The following BTRC variants were observed in gnomAD, a reference collection of about 807,000 sequenced individuals.
The protein encoded by BTRC is beta-transducin repeat containing E3 ubiquitin protein ligase.
BTRC carries 42 observed loss-of-function variants against 85.5 expected under a neutral mutation model. That is an observed-to-expected ratio of 0.49 (90% CI 0.38 to 0.64). The LOEUF is 0.64. Ranked by LOEUF, BTRC falls within the 30% of genes least tolerant of loss-of-function variation. The probability of loss-of-function intolerance (pLI) is 0.00; values close to 1 mark genes in which losing one functional copy is unlikely to be tolerated. For missense variants in BTRC, 594 were observed against 743.5 expected, an observed-to-expected ratio of 0.80 and a Z score of 2.34; for synonymous variants, 255 against 263.3, an observed-to-expected ratio of 0.97 and a Z score of 0.30.
At chr10:101,551,917 G>A (rs1238056883) in intron 14 of BTRC, among the ~76,000 whole-genome samples, 1 of 152,152 alleles carries the variant, frequency 6.6e-6, no homozygotes, top group African/African-American at 2.4e-5. Context: ...TGGAGATACT[G>A]CATGGAAAAT....
intron 1 of BTRC, among the ~76,000 whole-genome samples, chr10:101,402,860 C>A (rs1416933252): frequency 6.6e-6 from 1 of 152,116 alleles, no homozygotes; most frequent in African/African-American, 2.4e-5. Flanking sequence ...GGCTAAGCAT[C>A]CAGAGGTTAT....
intron 4 of BTRC, among the ~76,000 whole-genome samples, chr10:101,489,244 A>C (rs897277620): frequency 2.6e-5 from 4 of 152,122 alleles, no homozygotes; most frequent in African/African-American, 9.7e-5. Flanking sequence ...GACTCCCCCC[A>C]GACAACTCTT....
chr10:101,498,245 C>T (rs561490157), intron 4 of BTRC, among the ~76,000 whole-genome samples: 1 of 152,076 alleles, frequency 6.6e-6, no homozygotes, highest in African/African-American at 2.4e-5. Context: ...CCTCTGCTTC[C>T]TGGATTCAAG....
chr10:101,550,839 A>C lies in BTRC; in HGVS notation c.1797A>C (p.Thr599=). 6.2e-7 allele frequency: 1 copy of C among 1,613,948 alleles called. No homozygotes were observed. The highest frequency in any genetic ancestry group is 1.1e-5 in the South Asian group (1 of 91,062). The part of the protein sequence containing the change: ...QAEPPRSPSR[T]YTYISR ...AACCCCCCCGTTCCCCTTCTCGAAC[A>C]TACACCTACATCTCCAGATAAATAA... The change falls in exon 14 of 15, where the codon ACA becomes ACC. Residue 599 remains threonine, a synonymous_variant. Transcript: ENST00000370187.
At chr10:101,439,783 T>C (rs1278267442) in intron 2 of BTRC, among the ~76,000 whole-genome samples, 1 of 152,222 alleles carries the variant, frequency 6.6e-6, no homozygotes, top group Non-Finnish European at 1.5e-5. Flanking sequence ...TAGTGGAATT[T>C]ATGGAACACC....
chr10:101,396,584 A>G (rs1211474620), intron 1 of BTRC, among the ~76,000 whole-genome samples: 1 of 151,764 alleles, frequency 6.6e-6, no homozygotes, highest in Non-Finnish European at 1.5e-5. Context: ...GTATAGAACT[A>G]TTTTCATTTT....
chr10:101,453,444 T>A (rs947141115), intron 2 of BTRC: 2 of 152,222 alleles, frequency 1.3e-5, no homozygotes, highest in African/African-American at 2.4e-5. Context: ...GTGTGAAATG[T>A]TCGCTTGTAG....
At chr10:101,489,034 T>C (rs1013249881) in intron 4 of BTRC, among the ~76,000 whole-genome samples, 14 of 152,140 alleles carry the variant, frequency 9.2e-5, no homozygotes, top group South Asian at 2.1e-4. Flanking sequence ...TAAAACTCAT[T>C]GTACAAAAGT....
chr10:101,383,678 T>A (rs963500828), intron 1 of BTRC, among the ~76,000 whole-genome samples: 5 of 152,210 alleles, frequency 3.3e-5, no homozygotes, highest in East Asian at 3.8e-4. Flanking sequence ...GATACTTTTC[T>A]ACTTGTTTGC....
chr10:101,504,581 T>C (rs1032525474), intron 4 of BTRC, among the ~76,000 whole-genome samples: 3 of 151,972 alleles, frequency 2.0e-5, no homozygotes, highest in African/African-American at 7.3e-5. Flanking sequence ...CAATCCTCGG[T>C]CACTTTTGTC....
chr10:101,431,910 A>C (rs554945058), intron 2 of BTRC, among the ~76,000 whole-genome samples: 1 of 152,324 alleles, frequency 6.6e-6, no homozygotes, highest in Middle Eastern at 3.4e-3. Context: ...ATAGTAAAGC[A>C]TGCAGGTTCT....
intron 1 of BTRC, among the ~76,000 whole-genome samples, chr10:101,401,362 T>G (rs1287728059): frequency 1.3e-5 from 2 of 152,170 alleles, no homozygotes; most frequent in Admixed American, 6.6e-5. Flanking sequence ...CATCCTTAAC[T>G]TTTTGTTCTG....
chr10:101,354,296 G>A (rs533188802), intron 1 of BTRC, 68 bp downstream of exon 1: 5 of 1,519,116 alleles, frequency 3.3e-6, no homozygotes, highest in Non-Finnish European at 4.5e-6. Context: ...GGCCTGGGCC[G>A]CCCGCCCACT....
chr10:101,398,164 T>G (rs1194446920), intron 1 of BTRC, among the ~76,000 whole-genome samples: 2 of 152,160 alleles, frequency 1.3e-5, no homozygotes, highest in Non-Finnish European at 2.9e-5. Flanking sequence ...CTAGTAAAGA[T>G]GTATTAAGTG....
intron 4 of BTRC, among the ~76,000 whole-genome samples, chr10:101,495,353 C>T (rs1364517605): frequency 6.6e-6 from 1 of 152,198 alleles, no homozygotes; most frequent in Non-Finnish European, 1.5e-5. Context: ...CTCCTGGCTT[C>T]CTGTGCTGTG....
intron 1 of BTRC, among the ~76,000 whole-genome samples, chr10:101,395,509 G>C (rs1469430998): frequency 1.3e-5 from 2 of 151,968 alleles, no homozygotes; most frequent in Admixed American, 6.6e-5. Flanking sequence ...AATTAATTTT[G>C]CTCTTAACAT....
chr10:101,533,369 C>G (rs2062330210), intron 9 of BTRC, among the ~76,000 whole-genome samples: 1 of 152,188 alleles, frequency 6.6e-6, no homozygotes, highest in South Asian at 2.1e-4. Context: ...AAAACCACCT[C>G]ACGGGGGAAT....
intron 4 of BTRC, among the ~76,000 whole-genome samples, chr10:101,490,403 T>C (rs1946099718): frequency 6.6e-6 from 1 of 152,228 alleles, no homozygotes; most frequent in South Asian, 2.1e-4. Flanking sequence ...TGGATTCTCA[T>C]GTGAACCTGG....
intron 4 of BTRC, among the ~76,000 whole-genome samples, chr10:101,519,415 CT>C (rs2062070312): frequency 6.6e-6 from 1 of 152,046 alleles, no homozygotes; most frequent in Non-Finnish European, 1.5e-5. Context: ...AATTCAGTTC[CT>C]TGCTGTTGTA....
Sources: gnomAD v4.1 joint callset for allele counts (sites outside exome capture counted in the v4.1 genomes callset) on GRCh38, gnomAD v4.1.1 for gene constraint, MANE v1.5 for transcripts, NCBI Gene and HGNC (gene_info 2026-07-23, HGNC 2026-07-21) for gene names.